The following RAPGEF1 variants were observed in gnomAD, a reference collection of about 807,000 sequenced individuals.
RAPGEF1 encodes the protein Rap guanine nucleotide exchange factor 1.
RAPGEF1 carries 33 observed loss-of-function variants against 143.3 expected under a neutral mutation model. The ratio of observed to expected loss-of-function variants is 0.23; its 90% confidence interval spans 0.17 to 0.31. The LOEUF (loss-of-function observed/expected upper bound fraction) is 0.31, where lower values mean the gene tolerates loss of function less well. Ranked by LOEUF, RAPGEF1 falls within the 10% of genes least tolerant of loss-of-function variation. The pLI is 1.00. For missense variants in RAPGEF1, 1,199 were observed against 1,645.4 expected (o/e 0.73, Z 4.69); for synonymous variants, 629 against 676.5 (o/e 0.93, Z 1.09).
At chr9:131,683,593 G>T (rs1290397302) in intron 1 of RAPGEF1, among the ~76,000 whole-genome samples, 1 of 152,188 alleles carries the variant, frequency 6.6e-6, no homozygotes, top group Non-Finnish European at 1.5e-5. Context: ...ACTGTGAACG[G>T]TTTGCATTTA....
chr9:131,685,429 G>A (rs375713792), intron 1 of RAPGEF1, among the ~76,000 whole-genome samples: 1 of 152,208 alleles, frequency 6.6e-6, no homozygotes, highest in Admixed American at 6.5e-5. Context: ...GGGTTCACGG[G>A]AATGAGGGCA....
At chr9:131,736,952 T>TC (rs1837458668) in intron 1 of RAPGEF1, among the ~76,000 whole-genome samples, 2 of 152,016 alleles carry the variant, frequency 1.3e-5, no homozygotes, top group South Asian at 4.1e-4. Context: ...TTAAAAAAAC[T>TC]CCAACAGAAA....
intron 1 of RAPGEF1, chr9:131,737,512 C>G: frequency 6.2e-7 from 1 of 1,613,014 alleles, no homozygotes; most frequent in Non-Finnish European, 8.5e-7. Flanking sequence ...CTACAACCCC[C>G]TAGCAGAAGG....
intron 22 of RAPGEF1, among the ~76,000 whole-genome samples, chr9:131,586,817 C>CACA: frequency 6.0e-5 from 7 of 116,270 alleles, no homozygotes; most frequent in Non-Finnish European, 7.3e-5. Flanking sequence ...CACACACACA[C>CACA]CTGCAGAGCG....
intron 1 of RAPGEF1, among the ~76,000 whole-genome samples, chr9:131,672,066 G>A (rs905983720): frequency 6.6e-5 from 10 of 152,156 alleles, no homozygotes; most frequent in Admixed American, 4.6e-4. Context: ...GTCATGTATG[G>A]TGGTGAAGAC....
chr9:131,658,634 G>A (rs1420937345), intron 1 of RAPGEF1, among the ~76,000 whole-genome samples: 2 of 152,288 alleles, frequency 1.3e-5, no homozygotes, highest in African/African-American at 4.8e-5. Context: ...TCTGGCTGTC[G>A]GATGAATGTC....
At chr9:131,677,715 AC>A (rs1832539420) in intron 1 of RAPGEF1, among the ~76,000 whole-genome samples, 1 of 152,230 alleles carries the variant, frequency 6.6e-6, no homozygotes, top group Admixed American at 6.5e-5. Context: ...TAAGGGTCTT[AC>A]TAAAAACATC....
intron 1 of RAPGEF1, among the ~76,000 whole-genome samples, chr9:131,739,198 C>T: frequency 6.6e-6 from 1 of 152,220 alleles, no homozygotes; most frequent in Non-Finnish European, 1.5e-5. Context: ...TACTCCAACC[C>T]ACCGGTCCCC....
chr9:131,595,083 C>T (rs1033712450), intron 17 of RAPGEF1, among the ~76,000 whole-genome samples: 33 of 152,220 alleles, frequency 2.2e-4, no homozygotes, highest in Non-Finnish European at 2.1e-4. Flanking sequence ...TTTCACACTC[C>T]CTCACGTAAT....
At chr9:131,604,639 C>T (rs1365342230) in intron 13 of RAPGEF1, among the ~76,000 whole-genome samples, 1 of 152,232 alleles carries the variant, frequency 6.6e-6, no homozygotes, top group Non-Finnish European at 1.5e-5. Context: ...AAGTTCCTCT[C>T]TAAATGGCCA....
chr9:131,611,057 G>T (rs1957960119), intron 12 of RAPGEF1, among the ~76,000 whole-genome samples: 1 of 152,178 alleles, frequency 6.6e-6, no homozygotes. Context: ...TTTCCTTGAT[G>T]CCCTTGTGTT....
intron 6 of RAPGEF1, among the ~76,000 whole-genome samples, chr9:131,629,537 T>G (rs1964278198): frequency 6.6e-6 from 1 of 152,212 alleles, no homozygotes; most frequent in South Asian, 2.1e-4. Flanking sequence ...ACACCTATAA[T>G]CCCAGCACTT....
intron 5 of RAPGEF1, among the ~76,000 whole-genome samples, chr9:131,630,676 T>C (rs1034184284): frequency 6.6e-6 from 1 of 152,168 alleles, no homozygotes; most frequent in Non-Finnish European, 1.5e-5. Context: ...AATAACTCTG[T>C]TCCTAGTTCT....
chr9:131,586,235 T>C (rs1588180138), intron 22 of RAPGEF1, among the ~76,000 whole-genome samples: 7 of 107,570 alleles, frequency 6.5e-5, no homozygotes, highest in East Asian at 2.7e-4. Context: ...CACACACACC[T>C]GCAGAGCAAG....
At chr9:131,704,135 T>A (rs540453306) in intron 1 of RAPGEF1, among the ~76,000 whole-genome samples, 37 of 151,984 alleles carry the variant, frequency 2.4e-4, no homozygotes, top group African/African-American at 8.0e-4. Flanking sequence ...CCTGGAAATG[T>A]GAAGTAATTT....
intron 1 of RAPGEF1, among the ~76,000 whole-genome samples, chr9:131,707,764 A>T (rs1835184570): frequency 2.0e-5 from 3 of 152,260 alleles, no homozygotes; most frequent in Admixed American, 2.0e-4. Context: ...ATTAACGTGT[A>T]TACAGGGAAA....
chr9:131,604,888 GT>G (rs1394755457), intron 13 of RAPGEF1, 42 bp downstream of exon 13: 3 of 601,372 alleles, frequency 5.0e-6, no homozygotes, highest in African/African-American at 6.1e-5. Flanking sequence ...GTGCAGGGGT[GT>G]GTGTGTGTGT....
chr9:131,577,430 G>A lies in RAPGEF1; in HGVS notation c.*2067C>T, dbSNP rs1039651810. ...GCAGACAGAGCTGTGGACAGCACCC[G>A]ACCACAGACACGGTTCTGCCTGCTG... On this transcript the variant is annotated 3_prime_UTR_variant, in exon 27 of 27. Transcript: ENST00000683357. 1 of 152,320 alleles carries A rather than the reference G, an allele frequency of 6.6e-6. No homozygotes were observed. The highest frequency in any genetic ancestry group is 1.5e-5 in the Non-Finnish European group (1 of 68,104). The allele number at this position is 152,320 out of a possible 1,614,324, so 9.4% of individuals were successfully genotyped here. A position where few individuals can be genotyped will look rare whatever the true frequency, so the allele number is the denominator to read the frequency against.
At chr9:131,716,048 G>A (rs1374470577) in intron 1 of RAPGEF1, among the ~76,000 whole-genome samples, 1 of 152,082 alleles carries the variant, frequency 6.6e-6, no homozygotes, top group African/African-American at 2.4e-5. Flanking sequence ...CAGGGGATGT[G>A]TCAACAACTA....
Sources: gnomAD v4.1 joint callset for allele counts (sites outside exome capture counted in the v4.1 genomes callset) on GRCh38, gnomAD v4.1.1 for gene constraint, MANE v1.5 for transcripts, NCBI Gene and HGNC (gene_info 2026-07-23, HGNC 2026-07-21) for gene names.